AKAP8L: variants seen among roughly 807,000 people sequenced by gnomAD.
AKAP8L encodes the protein A-kinase anchoring protein 8 like.
In AKAP8L, 34 loss-of-function variants were observed where a neutral mutation model predicts 77.5. The ratio of observed to expected loss-of-function variants is 0.44; its 90% CI spans 0.33 to 0.58. The LOEUF (loss-of-function observed/expected upper bound fraction) is 0.58. AKAP8L is among the 20% of genes least tolerant of loss of function. The probability of loss-of-function intolerance (pLI) is 0.02; values close to 1 mark genes in which losing one functional copy is unlikely to be tolerated. For synonymous variants in AKAP8L, 342 were observed against 340.7 expected (o/e 1.00, Z -0.04); for missense variants, 806 against 887.6 (o/e 0.91, Z 1.17).
chr19:15,410,466 G>T, intron 2 of AKAP8L, 54 bp downstream of exon 2: 1 of 1,470,576 alleles, frequency 6.8e-7, no homozygotes, highest in Non-Finnish European at 9.3e-7. Context: ...CAACTAAGAA[G>T]ACAAGGAACT....
At position 15,397,630 on chromosome 19, in the gene AKAP8L, A is replaced by G. The variant is rs1967804126; in HGVS notation, c.1300-5T>C. On this transcript the variant is annotated splice_region_variant and splice_polypyrimidine_tract_variant and intron_variant, in intron 10 of 13. Transcript: ENST00000397410. This position sits in a 1 kb window ranked among gnomAD's most constrained non-coding sequence, Gnocchi z 4.7. ...GGTCTTGTTAGTGACGTACTCCTGC[A>G]AGGAATATAAAGGTTCATGTGGGCC... The G allele has an allele frequency of 4.3e-6, 7 of 1,613,776 alleles. No individual in the cohort carries two copies. The highest frequency in any genetic ancestry group is 5.9e-6 in the Non-Finnish European group (7 of 1,179,860).
At position 15,414,166 on chromosome 19, in the gene AKAP8L, G is replaced by A. The variant is rs541579629; in HGVS notation, c.14-3572C>T. The stretch of plus-strand genomic sequence containing the variant: ...CGCAACCTCCACTTCCCAGGCTCAA[G>A]CGATTCTCCTGCCTCAGCCTCCCGA... On this transcript the variant is annotated intron_variant, in intron 1 of 13. Transcript: ENST00000397410. Among the ~76,000 whole-genome samples the A allele has an allele frequency of 2.0e-5, 3 of 149,204 alleles. No individual in the cohort carries two copies. The East Asian group carries it at 6.0e-4, about 30-fold the overall frequency.
At chr19:15,404,947 CAG>C (rs993634096) in intron 2 of AKAP8L, among the ~76,000 whole-genome samples, 2 of 152,230 alleles carry the variant, frequency 1.3e-5, no homozygotes, top group African/African-American at 4.8e-5. Flanking sequence ...GGGAAGAAAT[CAG>C]AGAGAAGCTG....
At chr19:15,384,934 G>A (rs1002081235) in intron 12 of AKAP8L, among the ~76,000 whole-genome samples, 19 of 150,974 alleles carry the variant, frequency 1.3e-4, no homozygotes, top group Non-Finnish European at 1.9e-4. Context: ...GCAGTGGCGC[G>A]ATATCAGCTC....
chr19:15,403,729 G>C lies in AKAP8L; in HGVS notation c.122-14C>G. 6.5e-7 allele frequency: 1 copy of C among 1,543,122 alleles called. No homozygotes were observed. Among genetic ancestry groups the C allele is most frequent in the South Asian group, 1.2e-5 (1 of 85,100 alleles). ...AGCCCTCGTAGCCTGCAGTGAGGGAGACAGAGACAGACAGATGGTGGGGGC... is the reference window on the plus strand; with the variant it reads ...AGCCCTCGTAGCCTGCAGTGAGGGACACAGAGACAGACAGATGGTGGGGGC... On this transcript the variant is annotated splice_polypyrimidine_tract_variant and intron_variant, in intron 3 of 13. Transcript: ENST00000397410. This position sits in a 1 kb window ranked among gnomAD's most constrained non-coding sequence, Gnocchi z 4.3.
chr19:15,386,035 C>A (rs1008061147), intron 12 of AKAP8L, among the ~76,000 whole-genome samples: 1 of 151,710 alleles, frequency 6.6e-6, no homozygotes, highest in Non-Finnish European at 1.5e-5. Flanking sequence ...CTCAGCCTCT[C>A]GAGTAGCTGG....
intron 1 of AKAP8L, among the ~76,000 whole-genome samples, chr19:15,418,617 CG>C (rs1968261776): frequency 6.6e-6 from 1 of 152,056 alleles, no homozygotes; most frequent in South Asian, 2.1e-4. Context: ...AGGCCAGGGA[CG>C]GAGGTGGTGG....
In AKAP8L at chr19:15,384,456, C is replaced by T. The variant is rs768674383; in HGVS notation, c.1537-3844G>A. On this transcript the variant is annotated intron_variant, in intron 12 of 13. Transcript: ENST00000397410. ...CTGAGATTACAGGCGCCCACCACCA[C>T]GCCCAGCTAATTTTTTGTATTTTAG... 2.6e-5 allele frequency among the ~76,000 whole-genome samples: 4 copies of T among 151,824 alleles called. No homozygotes were observed. The South Asian group carries it at 8.3e-4, about 32-fold the overall frequency.
chr19:15,407,652 A>G (rs1378069861), intron 2 of AKAP8L, among the ~76,000 whole-genome samples: 1 of 152,242 alleles, frequency 6.6e-6, no homozygotes, highest in Non-Finnish European at 1.5e-5. Context: ...ACCATTTCCT[A>G]TAGCACTAAA....
Position 15,401,499 on chromosome 19 carries a change from G to A in AKAP8L, c.467C>T (p.Ala156Val). The A allele has an allele frequency of 2.5e-6, 4 of 1,613,890 alleles. No individual in the cohort carries two copies. Among genetic ancestry groups the A allele is most frequent in the Non-Finnish European group, 3.4e-6 (4 of 1,179,890 alleles). Residue 156 changes from alanine to valine, a missense_variant, in exon 5 of 14, where the codon GCC becomes GTC. Transcript: ENST00000397410. The surrounding 1 kb of genome is among the most constrained non-coding windows in gnomAD (Gnocchi z 6.2). Reference sequence around the variant, plus strand: ...GTAGGCATCGTATTGGCCCTCATAGGCCATTTCCATCTCAGGGTCAAGCTC... The same window carrying A: ...GTAGGCATCGTATTGGCCCTCATAGACCATTTCCATCTCAGGGTCAAGCTC... ...YSELDPEMEMAYEGQYDAYRD... is the reference protein window; with the variant it reads ...YSELDPEMEMVYEGQYDAYRD...
chr19:15,403,506 G>A lies in AKAP8L; in HGVS notation c.331C>T (p.Gln111Ter). Residue 111 changes from glutamine to a stop codon, truncating the protein, a stop_gained, in exon 4 of 14, where the codon CAA (glutamine) becomes TAA (stop). Transcript: ENST00000397410. LOFTEE classifies it high-confidence loss of function. The surrounding 1 kb of genome is among the most constrained non-coding windows in gnomAD (Gnocchi z 4.3). ...MVPHLETDMM[Q>*]GGVYGSGGER... ...CCACCTGAGCCGTACACGCCTCCTT[G>A]CATCATGTCTGTCTCCAAATGCGGC... 1 of 1,613,994 alleles carries A rather than the reference G, an allele frequency of 6.2e-7. No individual in the cohort carries two copies. The highest frequency in any genetic ancestry group is 8.5e-7 in the Non-Finnish European group (1 of 1,179,880).
chr19:15,417,409 G>A lies in AKAP8L; in HGVS notation c.13+1502C>T, dbSNP rs561735946. Among the ~76,000 whole-genome samples the A allele has an allele frequency of 3.9e-5, 6 of 152,234 alleles. No homozygotes were observed. In the South Asian group the frequency reaches 8.3e-4, roughly 21 times the overall value. ...AACTTGGGCACTACTGATGTTTGAC[G>A]CCAGATACTTCTTTGCGGTAGGTGT... On this transcript the variant is annotated intron_variant, in intron 1 of 13. Transcript: ENST00000397410.
chr19:15,406,383 G>GAGAGAGAGAGAT (rs1967999692), intron 2 of AKAP8L, among the ~76,000 whole-genome samples: 1 of 149,082 alleles, frequency 6.7e-6, no homozygotes, highest in Non-Finnish European at 1.5e-5. Flanking sequence ...GAGAGAGAGA[G>GAGAGAGAGAGAT]AGAGAGAGAG....
Position 15,397,737 on chromosome 19 carries a change from T to C in AKAP8L, c.1276A>G (p.Lys426Glu). 6.2e-7 allele frequency: 1 copy of C among 1,613,962 alleles called. No individual in the cohort carries two copies. Among genetic ancestry groups the C allele is most frequent in the Non-Finnish European group, 8.5e-7 (1 of 1,179,888 alleles). ...HFKYVGTKLPKQTADFLQEYV... is the reference protein window; with the variant it reads ...HFKYVGTKLPEQTADFLQEYV... ...ACCTGCAGAAAGTCAGCCGTCTGCT[T>C]AGGGAGCTTGGTGCCTACGTACTTA... The change falls in exon 10 of 14, where the codon AAG becomes GAG. Residue 426 changes from lysine (K) to glutamate (E), a missense_variant. Lys to Glu is a moderately conservative substitution (Grantham distance 56). Around this residue, in one of 2 missense-constraint regions of AKAP8L, gnomAD observed 580 missense variants for 694.1 expected, o/e 0.84. Transcript: ENST00000397410. This position sits in a 1 kb window ranked among gnomAD's most constrained non-coding sequence, Gnocchi z 4.7.
rs1967851938 is a variant in AKAP8L at position 15,399,731 on chromosome 19, G to A, written c.1049-321C>T. 2 of 380,160 alleles carry A rather than the reference G, an allele frequency of 5.3e-6. No homozygotes were observed. Among genetic ancestry groups the A allele is most frequent in the Non-Finnish European group, 9.8e-6 (2 of 203,724 alleles). 23.5% of individuals were successfully genotyped at this position (380,160 alleles called of 1,614,324 possible). A position where few individuals can be genotyped will look rare whatever the true frequency, so the allele number is the denominator to read the frequency against. ...GGGACACTGGCACATGTTCAGAGGG[G>A]CCAGGTGGTGGGATGCAGGGAGGCT... On this transcript the variant is annotated intron_variant, in intron 8 of 13. Transcript: ENST00000397410. This position sits in a 1 kb window ranked among gnomAD's most constrained non-coding sequence, Gnocchi z 6.1.
At chr19:15,400,381 T>C in intron 7 of AKAP8L, 23 bp from the exon 8 acceptor site, 1 of 1,581,704 alleles carries the variant, frequency 6.3e-7, no homozygotes, top group South Asian at 1.2e-5. Flanking sequence ...AATTCCAACT[T>C]TAAAACAGGT....
chr19:15,408,710 C>T (rs1295931609), intron 2 of AKAP8L, among the ~76,000 whole-genome samples: 1 of 151,252 alleles, frequency 6.6e-6, no homozygotes, highest in African/African-American at 2.4e-5. Context: ...GGTGAAACCC[C>T]GTCTCTACTG....
intron 1 of AKAP8L, among the ~76,000 whole-genome samples, chr19:15,416,347 A>G: frequency 6.6e-6 from 1 of 152,182 alleles, no homozygotes; most frequent in South Asian, 2.1e-4. Flanking sequence ...TATGAAAATG[A>G]CTGAGTGTGA....
Position 15,397,521 on chromosome 19 carries a change from C to T in AKAP8L, c.1404G>A (p.Gln468=). The part of the protein sequence containing the change: ...QQIYRDQDLT[Q]EIAMEHFVKK... Reference sequence around the variant, plus strand: ...GGAGTGGGCTGAAAATCTCCTCACCCTGGGTCAGATCCTGGTCTCTGTAGA... The same window carrying T: ...GGAGTGGGCTGAAAATCTCCTCACCTTGGGTCAGATCCTGGTCTCTGTAGA... The change falls in exon 11 of 14, where the codon CAG becomes CAA. Residue 468 remains glutamine, a splice_region_variant and synonymous_variant. Transcript: ENST00000397410. The surrounding 1 kb of genome is among the most constrained non-coding windows in gnomAD (Gnocchi z 4.7). The T allele has an allele frequency of 1.2e-6, 2 of 1,612,574 alleles. No homozygotes were observed. Among genetic ancestry groups the T allele is most frequent in the Non-Finnish European group, 1.7e-6 (2 of 1,179,412 alleles).
Sources: allele counts gnomAD v4.1 joint callset (sites outside exome capture counted in the v4.1 genomes callset), GRCh38; gene constraint gnomAD v4.1.1; regional missense constraint gnomAD v4.1.1; non-coding constraint Gnocchi (gnomAD v3.1); transcripts MANE v1.5; gene names NCBI Gene and HGNC (gene_info 2026-07-23, HGNC 2026-07-21).